The following CACNA2D1 variants were observed in gnomAD, a reference collection of about 807,000 sequenced individuals.
CACNA2D1 encodes the protein voltage-dependent calcium channel subunit alpha-2/delta-1.
Under a neutral mutation model 171.5 loss-of-function variants are expected in CACNA2D1, and 53 were observed. The ratio of observed to expected loss-of-function variants is 0.31; its 90% CI spans 0.25 to 0.39. CACNA2D1 has a LOEUF of 0.39. Among genes scored for constraint, CACNA2D1 ranks in the 10% least tolerant of loss-of-function variants. The pLI, the probability that CACNA2D1 is intolerant of heterozygous loss-of-function variation, is 1.00. For synonymous variants in CACNA2D1, 442 were observed against 443.1 expected, an observed-to-expected ratio of 1.00 and a Z score of 0.03; for missense variants, 903 against 1,299.8, an observed-to-expected ratio of 0.69 and a Z score of 4.69.
At chr7:82,029,332 A>G (rs1381367578) in intron 12 of CACNA2D1, 2 of 151,820 alleles carry the variant, frequency 1.3e-5, no homozygotes, top group Admixed American at 6.6e-5. Context: ...AGACTACAGT[A>G]TATAGTAAAC....
At chr7:82,170,125 G>A (rs1795862367) in intron 4 of CACNA2D1, among the ~76,000 whole-genome samples, 1 of 151,728 alleles carries the variant, frequency 6.6e-6, no homozygotes, top group South Asian at 2.1e-4. Flanking sequence ...TCATCATATT[G>A]CCCACCATCA....
chr7:82,065,534 T>C (rs552920092), intron 8 of CACNA2D1, among the ~76,000 whole-genome samples: 1 of 152,300 alleles, frequency 6.6e-6, no homozygotes, highest in South Asian at 2.1e-4. Context: ...TTAGTAATAA[T>C]TGTCACTATT....
intron 5 of CACNA2D1, among the ~76,000 whole-genome samples, chr7:82,119,252 T>A (rs1789436265): frequency 6.6e-6 from 1 of 152,172 alleles, no homozygotes; most frequent in Non-Finnish European, 1.5e-5. Flanking sequence ...CATATACAAA[T>A]GTGTACAGAG....
At chr7:82,022,990 A>G (rs1413735701) in intron 12 of CACNA2D1, among the ~76,000 whole-genome samples, 1 of 151,918 alleles carries the variant, frequency 6.6e-6, no homozygotes, top group Non-Finnish European at 1.5e-5. Context: ...GAATCAGAGA[A>G]CTATTTCCTT....
intron 3 of CACNA2D1, among the ~76,000 whole-genome samples, chr7:82,315,965 GT>G (rs532782453): frequency 1.4e-4 from 21 of 147,746 alleles, no homozygotes; most frequent in Admixed American, 2.7e-4. Context: ...GTCACCAGGT[GT>G]TTTTTTTTTA....
intron 3 of CACNA2D1, among the ~76,000 whole-genome samples, chr7:82,265,416 C>CTTTTTTTTTTTTTTTTTTTTTTTT (rs765047961): frequency 1.3e-5 from 1 of 77,306 alleles, no homozygotes; most frequent in African/African-American, 4.5e-5. Flanking sequence ...TTTTTCCTTT[C>CTTTTTTTTTTTTTTTTTTTTTTTT]TTTTTTTTTT....
At position 82,049,135 on chromosome 7, in the gene CACNA2D1, A is replaced by AAG. The variant is rs566747279; in HGVS notation, c.880-10901_880-10900insCT. Reference sequence around the variant, plus strand: ...ATCTTCTGGCAACTCATAAAAAAAAAAAAAAAAGAAAAATCCTAAATAACC... The same window carrying AAG: ...ATCTTCTGGCAACTCATAAAAAAAAAAGAAAAAAAGAAAAATCCTAAATAACC... On this transcript the variant is annotated intron_variant, in intron 10 of 38. Coordinates refer to ENST00000356860, the MANE Select transcript of CACNA2D1 (RefSeq NM_000722.4). Among the ~76,000 whole-genome samples the AAG allele has an allele frequency of 1.5e-3, 227 of 151,128 alleles. 2 individuals carry two copies. Among genetic ancestry groups the AAG allele is most frequent in the African/African-American group, 5.4e-3 (222 of 41,306 alleles).
intron 3 of CACNA2D1, among the ~76,000 whole-genome samples, chr7:82,237,455 A>G (rs1803741604): frequency 1.3e-5 from 2 of 151,836 alleles, no homozygotes; most frequent in South Asian, 4.1e-4. Context: ...CCTACCTCCA[A>G]TCTTCTGTGA....
At chr7:82,359,700 A>AGC (rs776611892) in intron 1 of CACNA2D1, among the ~76,000 whole-genome samples, 39 of 152,270 alleles carry the variant, frequency 2.6e-4, no homozygotes, top group Middle Eastern at 6.8e-3. Flanking sequence ...AAATATGTAC[A>AGC]GCCTGTCCTA....
At chr7:82,005,916 T>C in intron 16 of CACNA2D1, 77 bp from the exon 17 acceptor site, 1 of 857,690 alleles carries the variant, frequency 1.2e-6, no homozygotes. Flanking sequence ...ATGATCATCT[T>C]TTGCTTGCAT....
At chr7:82,293,075 T>A (rs1585370676) in intron 3 of CACNA2D1, among the ~76,000 whole-genome samples, 1 of 152,040 alleles carries the variant, frequency 6.6e-6, no homozygotes, top group African/African-American at 2.4e-5. Flanking sequence ...CTTTGCCTTT[T>A]TTCTAGGAGA....
intron 3 of CACNA2D1, among the ~76,000 whole-genome samples, chr7:82,173,639 C>A (rs3801720): frequency 2.0e-5 from 3 of 148,278 alleles, no homozygotes; most frequent in Non-Finnish European, 1.5e-5. Flanking sequence ...TATAGAAAAC[C>A]GACATGTCTT....
chr7:82,214,002 T>G (rs771987156), intron 3 of CACNA2D1, among the ~76,000 whole-genome samples: 4 of 152,194 alleles, frequency 2.6e-5, no homozygotes, highest in Non-Finnish European at 4.4e-5. Context: ...TTCTGGTTCA[T>G]AGATGGTGAC....
intron 6 of CACNA2D1, among the ~76,000 whole-genome samples, chr7:82,088,374 T>C (rs1221782471): frequency 2.0e-5 from 3 of 152,140 alleles, no homozygotes; most frequent in South Asian, 2.1e-4. Flanking sequence ...CAAATATTAC[T>C]CTAGATTATG....
chr7:82,156,805 T>C (rs188716499), intron 4 of CACNA2D1, among the ~76,000 whole-genome samples: 105 of 152,230 alleles, frequency 6.9e-4, no homozygotes, highest in South Asian at 1.4e-3. Context: ...CAAAGGCCCC[T>C]GTTTATAAAT....
At chr7:82,428,878 G>A (rs1056736473) in intron 1 of CACNA2D1, among the ~76,000 whole-genome samples, 13 of 152,252 alleles carry the variant, frequency 8.5e-5, no homozygotes, top group Admixed American at 3.3e-4. Context: ...CCTACCTTGA[G>A]TCCTCTGAAC....
intron 3 of CACNA2D1, among the ~76,000 whole-genome samples, chr7:82,307,638 G>A (rs1813908520): frequency 6.6e-6 from 1 of 151,904 alleles, no homozygotes; most frequent in Non-Finnish European, 1.5e-5. Flanking sequence ...TCCAAGGAGG[G>A]CTATTGCTCT....
Position 81,969,966 on chromosome 7 carries a change from T to C in CACNA2D1, c.2223A>G (p.Gln741=), listed in dbSNP as rs372607783. 2 of 1,606,054 alleles carry C rather than the reference T, an allele frequency of 1.2e-6. No homozygotes were observed. The highest frequency in any genetic ancestry group is 2.7e-5 in the African/African-American group (2 of 74,630). ...TGTCCTCATATGTCTCTGGGTTTTC[T>C]TGCCAATTTTCTCCAGCCCTAAGGA... The part of the protein sequence containing the change: ...VYPKEAGENW[Q]ENPETYEDSF... The change falls in exon 28 of 39, where the codon CAA becomes CAG. Residue 741 remains glutamine (Q), a synonymous_variant. Coordinates refer to ENST00000356860, the MANE Select transcript of CACNA2D1 (RefSeq NM_000722.4).
In CACNA2D1 at chr7:82,433,178, A is replaced by G. The variant is rs1176670960; in HGVS notation, c.95+10187T>C. Among the ~76,000 whole-genome samples the G allele has an allele frequency of 2.1e-4, 32 of 151,102 alleles. 1 individual carries two copies. The highest frequency in any genetic ancestry group is 2.1e-3 in the Admixed American group (32 of 15,158). ...ACTCCAGCCTGAGTGACACAGTGAGACTCCATCTCAAAAAAAAAAAAAAAT... is the reference window on the plus strand; with the variant it reads ...ACTCCAGCCTGAGTGACACAGTGAGGCTCCATCTCAAAAAAAAAAAAAAAT... On this transcript the variant is annotated intron_variant, in intron 1 of 38. Coordinates refer to ENST00000356860, the MANE Select transcript of CACNA2D1 (RefSeq NM_000722.4).
Sources: gnomAD v4.1 joint callset for allele counts (sites outside exome capture counted in the v4.1 genomes callset) on GRCh38, gnomAD v4.1.1 for gene constraint, MANE v1.5 for transcripts, NCBI Gene and HGNC (gene_info 2026-07-23, HGNC 2026-07-21) for gene names.